The following LAMA2 variants were observed in gnomAD, a reference collection of about 807,000 sequenced individuals.
The protein encoded by LAMA2 is laminin subunit alpha 2.
A neutral mutation model predicts 364.8 loss-of-function variants in LAMA2; 269 were observed. That is an observed-to-expected ratio of 0.74 (90% CI 0.67 to 0.82). LAMA2 has a LOEUF of 0.82. Among genes scored for constraint, LAMA2 ranks in the 40% least tolerant of loss-of-function variants. The probability of loss-of-function intolerance (pLI) is 0.00; values close to 1 mark genes in which losing one functional copy is unlikely to be tolerated. For missense variants in LAMA2, 3,807 were observed against 3,873.2 expected, an observed-to-expected ratio of 0.98 and a Z score of 0.45; for synonymous variants, 1,379 against 1,370.6, an observed-to-expected ratio of 1.01 and a Z score of -0.14.
chr6:129,495,958 G>A (rs1287363131), intron 58 of LAMA2, among the ~76,000 whole-genome samples: 1 of 152,064 alleles, frequency 6.6e-6, no homozygotes, highest in African/African-American at 2.4e-5. Flanking sequence ...AAGTTGAGTA[G>A]CATGCCAAAT....
chr6:129,506,162 G>A (rs1786056544), intron 61 of LAMA2, among the ~76,000 whole-genome samples: 1 of 151,820 alleles, frequency 6.6e-6, no homozygotes, highest in Non-Finnish European at 1.5e-5. Flanking sequence ...AGATGAGCCT[G>A]GCCATCATAG....
intron 4 of LAMA2, among the ~76,000 whole-genome samples, chr6:129,138,196 T>C (rs1777914831): frequency 6.6e-6 from 1 of 151,884 alleles, no homozygotes; most frequent in Admixed American, 6.6e-5. Context: ...ACTATATGAA[T>C]GGGAAATATT....
chr6:129,511,456 T>C (rs921357936), intron 62 of LAMA2, among the ~76,000 whole-genome samples: 2 of 152,132 alleles, frequency 1.3e-5, no homozygotes, highest in Admixed American at 1.3e-4. Context: ...CTTTTATTCA[T>C]AAAATCTGCT....
At chr6:129,184,501 T>C (rs1490041247) in intron 10 of LAMA2, among the ~76,000 whole-genome samples, 1 of 151,832 alleles carries the variant, frequency 6.6e-6, no homozygotes, top group Non-Finnish European at 1.5e-5. Context: ...AAACCTAGCT[T>C]GGTTAAAGCA....
intron 4 of LAMA2, among the ~76,000 whole-genome samples, chr6:129,121,615 C>G (rs1490658191): frequency 6.6e-6 from 1 of 152,104 alleles, no homozygotes; most frequent in Non-Finnish European, 1.5e-5. Context: ...ACAAATACCT[C>G]AAATCTGGAA....
At chr6:129,072,793 T>C (rs1173996232) in intron 3 of LAMA2, among the ~76,000 whole-genome samples, 2 of 152,086 alleles carry the variant, frequency 1.3e-5, no homozygotes, top group Non-Finnish European at 2.9e-5. Flanking sequence ...CTTTGTAATA[T>C]TTTACCTCAG....
intron 29 of LAMA2, among the ~76,000 whole-genome samples, chr6:129,330,592 G>GTTTTTTTTTT (rs1406358715): frequency 3.8e-5 from 3 of 78,530 alleles, no homozygotes; most frequent in African/African-American, 1.0e-4. Context: ...TTGTTGTTTG[G>GTTTTTTTTTT]TTTTTGTTTT....
intron 8 of LAMA2, among the ~76,000 whole-genome samples, chr6:129,161,337 A>G (rs1309403228): frequency 6.6e-6 from 1 of 152,096 alleles, no homozygotes; most frequent in East Asian, 1.9e-4. Flanking sequence ...CCTGACAATT[A>G]CTGTGTGTTT....
chr6:128,972,391 C>A lies in LAMA2; in HGVS notation c.113-77527C>A, dbSNP rs530948474. 3.9e-5 allele frequency among the ~76,000 whole-genome samples: 6 copies of A among 152,246 alleles called. No homozygotes were observed. The South Asian group carries it at 6.2e-4, about 16-fold the overall frequency. On this transcript the variant is annotated intron_variant, in intron 1 of 64. Coordinates refer to ENST00000421865, the MANE Select transcript of LAMA2 (RefSeq NM_000426.4). ...ACCACACTGAGCCTCAAATTCCCAT[C>A]AGTTATATGTGGATTATAATGTCTG...
At chr6:129,339,594 G>A (rs1583529624) in intron 29 of LAMA2, among the ~76,000 whole-genome samples, 1 of 152,218 alleles carries the variant, frequency 6.6e-6, no homozygotes, top group East Asian at 1.9e-4. Flanking sequence ...AAGAGATGAG[G>A]ACCAAAGTTA....
Position 129,165,691 on chromosome 6 carries a change from G to T in LAMA2, c.1306+16G>T. 1 of 1,462,892 alleles carries T rather than the reference G, an allele frequency of 6.8e-7. No individual in the cohort carries two copies. The highest frequency in any genetic ancestry group is 9.6e-7 in the Non-Finnish European group (1 of 1,042,966). The allele number at this position is 1,462,892 out of a possible 1,614,324, so 90.6% of individuals were successfully genotyped here. On this transcript the variant is annotated intron_variant, in intron 9 of 64. Coordinates refer to ENST00000421865, the MANE Select transcript of LAMA2 (RefSeq NM_000426.4). ...GCTCGACGAGGTGAGAGCTGCAGCA[G>T]AATGTCACTGCTCTGATAAAAGGAC...
At chr6:129,246,584 C>G (rs575381574) in intron 12 of LAMA2, among the ~76,000 whole-genome samples, 1 of 152,262 alleles carries the variant, frequency 6.6e-6, no homozygotes. Context: ...GATCCCAGAG[C>G]CACTGGGGAA....
At chr6:129,430,980 A>T (rs1781561779) in intron 41 of LAMA2, among the ~76,000 whole-genome samples, 1 of 152,178 alleles carries the variant, frequency 6.6e-6, no homozygotes, top group African/African-American at 2.4e-5. Flanking sequence ...GAATATTAAG[A>T]TTTTAAAATT....
chr6:129,453,374 C>T (rs1168853219), intron 46 of LAMA2, among the ~76,000 whole-genome samples: 1 of 152,126 alleles, frequency 6.6e-6, no homozygotes, highest in Non-Finnish European at 1.5e-5. Flanking sequence ...AGTATACCAT[C>T]ATTTCTGTTA....
chr6:129,434,903 T>C (rs113109221), intron 41 of LAMA2, among the ~76,000 whole-genome samples: 4 of 151,748 alleles, frequency 2.6e-5, no homozygotes, highest in African/African-American at 9.7e-5. Context: ...GTGATCAGCG[T>C]AAGAAAGGGC....
chr6:129,163,053 G>A (rs1779532663), intron 8 of LAMA2, among the ~76,000 whole-genome samples: 1 of 152,062 alleles, frequency 6.6e-6, no homozygotes, highest in South Asian at 2.1e-4. Context: ...AAAGCTTCTA[G>A]GAACTATAAA....
intron 12 of LAMA2, among the ~76,000 whole-genome samples, chr6:129,196,425 CACAA>C (rs2115042508): frequency 6.6e-6 from 1 of 152,282 alleles, no homozygotes; most frequent in Admixed American, 6.5e-5. Context: ...ACATGCTTAA[CACAA>C]ACAAACAAAA....
intron 27 of LAMA2, among the ~76,000 whole-genome samples, chr6:129,320,296 C>T (rs1053163944): frequency 6.6e-6 from 1 of 152,054 alleles, no homozygotes; most frequent in African/African-American, 2.4e-5. Context: ...ATTGGTCCTG[C>T]TATCTCTGGG....
At chr6:128,909,288 A>T (rs2114447354) in intron 1 of LAMA2, among the ~76,000 whole-genome samples, 1 of 151,902 alleles carries the variant, frequency 6.6e-6, no homozygotes, top group South Asian at 2.1e-4. Flanking sequence ...TTTGTAGGTC[A>T]CTCAGGACTT....
Sources: allele counts gnomAD v4.1 joint callset (sites outside exome capture counted in the v4.1 genomes callset), GRCh38; gene constraint gnomAD v4.1.1; transcripts MANE v1.5; gene names NCBI Gene and HGNC (gene_info 2026-07-23, HGNC 2026-07-21).